Variants in FRAS1 observed in about 807,000 individuals in gnomAD.
FRAS1 encodes extracellular matrix organizing protein FRAS1.
A neutral mutation model predicts 435.2 loss-of-function variants in FRAS1; 290 were observed. The observed-to-expected ratio is 0.67, with a 90% CI of 0.61 to 0.73. The LOEUF is 0.73. FRAS1 is among the 30% of genes least tolerant of loss of function. The pLI, the probability that FRAS1 is intolerant of heterozygous loss-of-function variation, is 0.00. For missense variants in FRAS1, 4,860 were observed against 5,001.5 expected (o/e 0.97, Z 0.85); for synonymous variants, 1,800 against 1,851.0 (o/e 0.97, Z 0.71).
intron 50 of FRAS1, among the ~76,000 whole-genome samples, chr4:78,468,125 AT>A (rs1719590057): frequency 6.6e-6 from 1 of 152,118 alleles, no homozygotes; most frequent in Admixed American, 6.6e-5. Flanking sequence ...TGCTTCTGGG[AT>A]AACACTTAAT....
chr4:78,414,931 C>T (rs1733488247), intron 32 of FRAS1, among the ~76,000 whole-genome samples: 1 of 152,146 alleles, frequency 6.6e-6, no homozygotes, highest in African/African-American at 2.4e-5. Flanking sequence ...AATGGGAGGG[C>T]ACCAAATCCA....
chr4:78,401,190 C>T (rs987072630), intron 30 of FRAS1, among the ~76,000 whole-genome samples: 6 of 152,088 alleles, frequency 3.9e-5, no homozygotes, highest in East Asian at 1.9e-4. Flanking sequence ...AACTAATATA[C>T]GTCAGTTTAA....
intron 2 of FRAS1, among the ~76,000 whole-genome samples, chr4:78,225,830 T>C (rs940952286): frequency 6.6e-6 from 1 of 152,226 alleles, no homozygotes; most frequent in Non-Finnish European, 1.5e-5. Flanking sequence ...CTCAATGTTA[T>C]TGGATCCACT....
chr4:78,201,415 AG>A (rs1436969171), intron 2 of FRAS1, among the ~76,000 whole-genome samples: 1 of 152,226 alleles, frequency 6.6e-6, no homozygotes, highest in Non-Finnish European at 1.5e-5. Flanking sequence ...TCGAAACTTT[AG>A]CCTAACCTTT....
At chr4:78,285,892 T>G (rs1013694072) in intron 13 of FRAS1, among the ~76,000 whole-genome samples, 2 of 152,242 alleles carry the variant, frequency 1.3e-5, no homozygotes, top group Non-Finnish European at 2.9e-5. Flanking sequence ...ATTTTTGTAA[T>G]TATTCACTCC....
rs1280093771 is a variant in FRAS1 at position 78,521,647 on chromosome 4, T to G, written c.10648+17T>G. Reference sequence around the variant, plus strand: ...AATTCAGAGGTAATATCAATGCCGTTTTTTTTTTCCAACTTTTTATTAAGA... The same window carrying G: ...AATTCAGAGGTAATATCAATGCCGTGTTTTTTTTCCAACTTTTTATTAAGA... On this transcript the variant is annotated intron_variant, in intron 68 of 73. Coordinates refer to ENST00000512123, the MANE Select transcript of FRAS1 (RefSeq NM_025074.7). The G allele has an allele frequency of 1.4e-6, 2 of 1,394,206 alleles. No individual in the cohort carries two copies. The highest frequency in any genetic ancestry group is 1.3e-5 in the South Asian group (1 of 79,702). 86.4% of individuals were successfully genotyped at this position (1,394,206 alleles called of 1,614,324 possible). A position where few individuals can be genotyped will look rare whatever the true frequency, so the allele number is the denominator to read the frequency against.
chr4:78,190,051 A>G (rs184952578), intron 2 of FRAS1, among the ~76,000 whole-genome samples: 1 of 152,370 alleles, frequency 6.6e-6, no homozygotes, highest in East Asian at 1.9e-4. Flanking sequence ...GGCCGCAGAA[A>G]ACCTCAGCTA....
rs1732126948 is a variant in FRAS1, at chr4:78,384,095, GTTC to G, written c.3605_3607del (p.Phe1202del). The G allele has an allele frequency of 2.5e-6, 4 of 1,606,934 alleles. No individual in the cohort carries two copies. The highest frequency in any genetic ancestry group is 4.5e-5 in the East Asian group (2 of 44,598). ...TTTTCCTGAAAATTAGTGACCAGCAGTTCTTCTCTGAGCCACAGCTGATCAACA... is the reference window on the plus strand; with the variant it reads ...TTTTCCTGAAAATTAGTGACCAGCAGTTCTCTGAGCCACAGCTGATCAACA... On this transcript the variant is annotated inframe_deletion, in exon 28 of 74. Coordinates refer to ENST00000512123, the MANE Select transcript of FRAS1 (RefSeq NM_025074.7).
At chr4:78,153,718 A>G (rs920206798) in intron 2 of FRAS1, among the ~76,000 whole-genome samples, 1 of 152,222 alleles carries the variant, frequency 6.6e-6, no homozygotes, top group Admixed American at 6.5e-5. Flanking sequence ...TGTGTTCTTC[A>G]AAGTATCTTT....
chr4:78,303,116 T>A (rs1391209611), intron 14 of FRAS1, among the ~76,000 whole-genome samples: 1 of 152,212 alleles, frequency 6.6e-6, no homozygotes, highest in African/African-American at 2.4e-5. Context: ...AAATAGGGAA[T>A]CCTTTCCCCA....
At chr4:78,367,895 A>G (rs2110301841) in intron 22 of FRAS1, among the ~76,000 whole-genome samples, 1 of 152,294 alleles carries the variant, frequency 6.6e-6, no homozygotes, top group East Asian at 1.9e-4. Context: ...CTTTGTTTCT[A>G]TTAAAGTCAT....
intron 2 of FRAS1, among the ~76,000 whole-genome samples, chr4:78,074,126 A>G (rs1402870394): frequency 9.0e-6 from 1 of 110,622 alleles, no homozygotes; most frequent in Non-Finnish European, 1.7e-5. Context: ...TATTAAATTT[A>G]TGTCATTTCT....
chr4:78,405,735 CTCTT>C (rs1374237573), intron 30 of FRAS1, among the ~76,000 whole-genome samples: 1 of 152,204 alleles, frequency 6.6e-6, no homozygotes, highest in African/African-American at 2.4e-5. Flanking sequence ...CTTTCTGTCT[CTCTT>C]TCTCTCTCCC....
At chr4:78,138,256 A>G (rs914620520) in intron 2 of FRAS1, among the ~76,000 whole-genome samples, 4 of 152,192 alleles carry the variant, frequency 2.6e-5, no homozygotes, top group African/African-American at 9.7e-5. Flanking sequence ...ACAGTACTTT[A>G]GTTCATAGTC....
At chr4:78,429,248 GA>G (rs763301265) in intron 36 of FRAS1, 22 bp downstream of exon 36, 46 of 1,593,716 alleles carry the variant, frequency 2.9e-5, no homozygotes, top group Non-Finnish European at 3.8e-5. Context: ...GAGCCTGATA[GA>G]AACATGGCTT....
chr4:78,333,572 C>G (rs1428518453), intron 19 of FRAS1, among the ~76,000 whole-genome samples, 160 bp downstream of exon 19: 1 of 152,132 alleles, frequency 6.6e-6, no homozygotes, highest in African/African-American at 2.4e-5. Flanking sequence ...GGGAGGGGAA[C>G]AAGTGAAATT....
intron 15 of FRAS1, among the ~76,000 whole-genome samples, chr4:78,314,631 A>C (rs1157295803): frequency 1.3e-5 from 2 of 152,220 alleles, no homozygotes; most frequent in African/African-American, 4.8e-5. Context: ...TAGACAACAG[A>C]GTCAGGCCAT....
chr4:78,174,002 C>T (rs189699839), intron 2 of FRAS1, among the ~76,000 whole-genome samples: 2 of 152,318 alleles, frequency 1.3e-5, no homozygotes, highest in East Asian at 3.9e-4. Flanking sequence ...CTGGGTGCTA[C>T]GTGACTAACT....
chr4:78,508,438 A>G (rs1191656757), intron 62 of FRAS1, among the ~76,000 whole-genome samples: 4 of 152,198 alleles, frequency 2.6e-5, no homozygotes, highest in East Asian at 3.8e-4. Context: ...TTTGGTTCCA[A>G]TGGGCAGGAA....
Sources: gnomAD v4.1 joint callset for allele counts (sites outside exome capture counted in the v4.1 genomes callset) on GRCh38, gnomAD v4.1.1 for gene constraint, MANE v1.5 for transcripts, NCBI Gene and HGNC (gene_info 2026-07-23, HGNC 2026-07-21) for gene names.